Variants in GALNTL6 observed in about 807,000 individuals in gnomAD.
GALNTL6 encodes polypeptide N-acetylgalactosaminyltransferase like 6, also known as polypeptide N-acetylgalactosaminyltransferase-like 6.
A neutral mutation model predicts 73.7 loss-of-function variants in GALNTL6; 46 were observed. That is an observed-to-expected ratio of 0.62 (90% CI 0.49 to 0.80). The LOEUF (loss-of-function observed/expected upper bound fraction) is 0.80. Ranked by LOEUF, GALNTL6 falls within the 30% of genes least tolerant of loss-of-function variation. The probability of loss-of-function intolerance (pLI) is 0.00; values close to 1 mark genes in which losing one functional copy is unlikely to be tolerated. For synonymous variants in GALNTL6, 259 were observed against 263.7 expected (o/e 0.98, Z 0.17); for missense variants, 604 against 755.0 (o/e 0.80, Z 2.34).
chr4:171,987,448 G>A (rs9997139), intron 2 of GALNTL6, among the ~76,000 whole-genome samples: 5 of 152,102 alleles, frequency 3.3e-5, no homozygotes, highest in South Asian at 2.1e-4. Flanking sequence ...CTTCTCAGAC[G>A]CTGTAGGAAA....
intron 4 of GALNTL6, among the ~76,000 whole-genome samples, chr4:172,346,141 C>G (rs1016890919): frequency 6.6e-6 from 1 of 152,176 alleles, no homozygotes; most frequent in Non-Finnish European, 1.5e-5. Flanking sequence ...TCTGCTAGAG[C>G]TTATCTCTCA....
At chr4:172,654,906 C>T (rs545559717) in intron 5 of GALNTL6, among the ~76,000 whole-genome samples, 19 of 152,246 alleles carry the variant, frequency 1.2e-4, no homozygotes, top group East Asian at 7.7e-4. Context: ...TTAATCCTCA[C>T]GACGTTCTAG....
At chr4:172,574,986 T>C (rs1316127705) in intron 5 of GALNTL6, among the ~76,000 whole-genome samples, 1 of 151,724 alleles carries the variant, frequency 6.6e-6, no homozygotes, top group Non-Finnish European at 1.5e-5. Flanking sequence ...TCTCCTGTGC[T>C]CTCCAATTAG....
chr4:171,876,518 C>T (rs921616378), intron 2 of GALNTL6, among the ~76,000 whole-genome samples: 8 of 152,090 alleles, frequency 5.3e-5, no homozygotes, highest in African/African-American at 1.9e-4. Flanking sequence ...GTTGAAGTAA[C>T]GTGTTAGCAA....
chr4:172,390,976 TAAATC>T (rs1043616339), intron 5 of GALNTL6, among the ~76,000 whole-genome samples: 4 of 152,316 alleles, frequency 2.6e-5, no homozygotes, highest in Admixed American at 6.5e-5. Context: ...TTAATTGTAT[TAAATC>T]AAGTCAATGT....
At chr4:172,266,368 TAC>T (rs1350502859) in intron 3 of GALNTL6, 3 of 152,148 alleles carry the variant, frequency 2.0e-5, no homozygotes, top group African/African-American at 7.2e-5. Flanking sequence ...TGCTTCAAGT[TAC>T]AGTTACATTG....
rs1486383347 is a variant in GALNTL6 at position 172,052,297 on chromosome 4, C to T, written c.139-177359C>T. The stretch of plus-strand genomic sequence containing the variant: ...CAGAGAGGATACAGGACATGTACCA[C>T]ACTTCCCAGGGAAGAGCTCGGGTAT... On this transcript the variant is annotated intron_variant, in intron 2 of 12. Coordinates refer to ENST00000506823, the MANE Select transcript of GALNTL6 (RefSeq NM_001034845.3). 8 of 586,888 alleles carry T rather than the reference C, an allele frequency of 1.4e-5. No individual in the cohort carries two copies. The Admixed American group carries it at 1.9e-4, about 14-fold the overall frequency. 36.4% of individuals were successfully genotyped at this position (586,888 alleles called of 1,614,324 possible).
intron 5 of GALNTL6, among the ~76,000 whole-genome samples, chr4:172,684,232 G>A (rs574585800): frequency 2.2e-4 from 33 of 152,198 alleles, no homozygotes; most frequent in South Asian, 6.2e-4. Flanking sequence ...AGATGATGGC[G>A]TACACAGCTT....
intron 10 of GALNTL6, among the ~76,000 whole-genome samples, chr4:172,989,193 A>G (rs1228719428): frequency 1.3e-5 from 2 of 152,234 alleles, no homozygotes; most frequent in African/African-American, 4.8e-5. Context: ...TATATCTTGC[A>G]GAGCCACAAG....
intron 2 of GALNTL6, among the ~76,000 whole-genome samples, chr4:172,174,798 A>G (rs1408644854): frequency 6.6e-6 from 1 of 152,218 alleles, no homozygotes; most frequent in African/African-American, 2.4e-5. Flanking sequence ...GAAAGATGAT[A>G]TGTACACAAA....
chr4:171,896,665 C>T (rs1347319292), intron 2 of GALNTL6, among the ~76,000 whole-genome samples: 1 of 152,118 alleles, frequency 6.6e-6, no homozygotes, highest in Non-Finnish European at 1.5e-5. Context: ...TAACACTAAT[C>T]CCATTCATTA....
intron 5 of GALNTL6, among the ~76,000 whole-genome samples, chr4:172,633,244 C>T (rs1739492718): frequency 6.6e-6 from 1 of 152,166 alleles, no homozygotes; most frequent in Admixed American, 6.5e-5. Flanking sequence ...CTGGAAAAGC[C>T]ACAGACACTC....
At chr4:172,155,186 C>G (rs530236786) in intron 2 of GALNTL6, among the ~76,000 whole-genome samples, 2 of 151,734 alleles carry the variant, frequency 1.3e-5, no homozygotes, top group Non-Finnish European at 3.0e-5. Flanking sequence ...TTAGTAGAGA[C>G]TGGGTTTCAC....
rs1341393926 is a variant in GALNTL6, at chr4:172,657,735, G to A, written c.554-151626G>A. 2.0e-5 allele frequency among the ~76,000 whole-genome samples: 3 copies of A among 152,194 alleles called. No homozygotes were observed. The East Asian group carries it at 5.8e-4, about 29-fold the overall frequency. On this transcript the variant is annotated intron_variant, in intron 5 of 12. Coordinates refer to ENST00000506823, the MANE Select transcript of GALNTL6 (RefSeq NM_001034845.3). ...AAAATTTGCGGGTGTGGACTAGGGT[G>A]TGAAAGGAAAGAGTGTGAGGGAAAA... is the stretch of plus-strand genomic sequence containing the variant.
intron 3 of GALNTL6, among the ~76,000 whole-genome samples, chr4:172,281,532 T>TA (rs776406084): frequency 3.8e-4 from 57 of 150,130 alleles, no homozygotes; most frequent in Middle Eastern, 3.4e-3. Context: ...CTGTCTCTAC[T>TA]AAAAAAAAAT....
chr4:172,057,713 AAAAAAAAAAAAAAAATAT>A (rs1391688811), intron 2 of GALNTL6, among the ~76,000 whole-genome samples: 1 of 33,852 alleles, frequency 3.0e-5, no homozygotes, highest in African/African-American at 8.1e-5. Context: ...AAAAAAAAAA[AAAAAAAAAAAAAAAATAT>A]ATATATATAT....
chr4:172,437,238 T>C (rs1731667124), intron 5 of GALNTL6, among the ~76,000 whole-genome samples: 1 of 152,132 alleles, frequency 6.6e-6, no homozygotes, highest in Admixed American at 6.6e-5. Flanking sequence ...TATTTTTAAG[T>C]TTGCTCAAGG....
chr4:172,819,133 G>A (rs1741783204), intron 7 of GALNTL6, among the ~76,000 whole-genome samples: 1 of 152,164 alleles, frequency 6.6e-6, no homozygotes, highest in Non-Finnish European at 1.5e-5. Context: ...AGAAGTGTGA[G>A]GCATAGCCCA....
intron 2 of GALNTL6, among the ~76,000 whole-genome samples, chr4:172,006,648 AAAAGT>A (rs1176431227): frequency 6.6e-6 from 1 of 152,050 alleles, no homozygotes; most frequent in Admixed American, 6.6e-5. Context: ...AGAAAAGAAA[AAAAGT>A]AAAGTAACTT....
Sources: allele counts gnomAD v4.1 joint callset (sites outside exome capture counted in the v4.1 genomes callset), GRCh38; gene constraint gnomAD v4.1.1; transcripts MANE v1.5; gene names NCBI Gene and HGNC (gene_info 2026-07-23, HGNC 2026-07-21).